Variants in HERC2 observed in about 807,000 individuals in gnomAD.
The protein encoded by HERC2 is HECT and RLD domain containing E3 ubiquitin protein ligase 2.
HERC2 carries 102 observed loss-of-function variants against 537.7 expected under a neutral mutation model. The ratio of observed to expected loss-of-function variants is 0.19; its 90% CI spans 0.16 to 0.22. The LOEUF is 0.22. Ranked by LOEUF, HERC2 falls within the 10% of genes least tolerant of loss-of-function variation. The pLI is 1.00. For synonymous variants in HERC2, 2,224 were observed against 2,466.2 expected (o/e 0.90, Z 2.91); for missense variants, 4,236 against 6,198.2 (o/e 0.68, Z 10.63).
intron 9 of HERC2, among the ~76,000 whole-genome samples, chr15:28,271,642 C>G (rs1419524512): frequency 6.6e-6 from 1 of 152,040 alleles, no homozygotes; most frequent in Non-Finnish European, 1.5e-5. Context: ...GCACTCCAGC[C>G]TGGGCGACAG....
chr15:28,117,338 C>G (rs74007959), intron 86 of HERC2, 184 bp from the exon 87 acceptor site: 3 of 715,922 alleles, frequency 4.2e-6, no homozygotes, highest in Non-Finnish European at 7.5e-6. Context: ...CTGTGGACAC[C>G]CGAGACCGCT....
chr15:28,117,626 C>A (rs1888421104), intron 86 of HERC2: 1 of 442,926 alleles, frequency 2.3e-6, no homozygotes, highest in East Asian at 6.9e-5. Context: ...CAACCCAATG[C>A]CCCTGAGACT....
At chr15:28,139,123 C>G (rs1266753521) in intron 78 of HERC2, among the ~76,000 whole-genome samples, 1 of 152,240 alleles carries the variant, frequency 6.6e-6, no homozygotes, top group African/African-American at 2.4e-5. Context: ...TGCGAAGACA[C>G]TTGCTTTATT....
intron 66 of HERC2, 68 bp from the exon 67 acceptor site, chr15:28,168,658 G>C: frequency 6.8e-7 from 1 of 1,461,734 alleles, no homozygotes. Context: ...GAAGTGGAGA[G>C]GCAGGGCTAG....
In HERC2 at chr15:28,224,162, C is replaced by G. The variant is rs1447645461; in HGVS notation, c.5465-1947G>C. Among the ~76,000 whole-genome samples, 610 of 148,530 alleles carry G rather than the reference C, an allele frequency of 4.1e-3. 3 individuals are homozygous for G. Among genetic ancestry groups the G allele is most frequent in the African/African-American group, 0.015 (580 of 38,820 alleles). On this transcript the variant is annotated intron_variant, in intron 35 of 92. Coordinates refer to ENST00000261609, the MANE Select transcript of HERC2 (RefSeq NM_004667.6). ...ACACACACACACCCACACACACACA[C>G]ACACAGAGAGAGAGAGAAACAGACA...
At chr15:28,150,084 A>G (rs1241061345) in intron 70 of HERC2, among the ~76,000 whole-genome samples, 1 of 152,010 alleles carries the variant, frequency 6.6e-6, no homozygotes, top group Non-Finnish European at 1.5e-5. Context: ...ACAAACGCAC[A>G]TTCTAGTAAA....
In HERC2 at chr15:28,168,398, C is replaced by G; in HGVS notation, c.10413+9G>C. The G allele has an allele frequency of 6.2e-7, 1 of 1,611,662 alleles. No homozygotes were observed. The highest frequency in any genetic ancestry group is 1.1e-5 in the South Asian group (1 of 90,734). On this transcript the variant is annotated intron_variant, in intron 67 of 92. Transcript: ENST00000261609. Reference sequence around the variant, plus strand: ...TTCTGATCTAACATTGCTTTAGATTCGCTTTTACCTCTCTCTTTTCTTGCC... The same window carrying G: ...TTCTGATCTAACATTGCTTTAGATTGGCTTTTACCTCTCTCTTTTCTTGCC...
intron 68 of HERC2, among the ~76,000 whole-genome samples, chr15:28,166,787 G>A (rs769029485): frequency 8.5e-5 from 13 of 152,122 alleles, no homozygotes; most frequent in African/African-American, 1.9e-4. Context: ...ACCAGTCCAC[G>A]GGAGTCCCAG....
intron 2 of HERC2, among the ~76,000 whole-genome samples, chr15:28,313,210 T>TC (rs1258837239): frequency 3.8e-5 from 5 of 132,534 alleles, no homozygotes; most frequent in African/African-American, 1.9e-4. Context: ...TTTTTTTTTT[T>TC]TGAGACAGAG....
At chr15:28,200,551 T>C (rs554662329) in intron 48 of HERC2, among the ~76,000 whole-genome samples, 10 of 152,274 alleles carry the variant, frequency 6.6e-5, no homozygotes, top group Admixed American at 2.0e-4. Context: ...TGGTACTGTG[T>C]TATAGCCAAC....
At chr15:28,313,337 C>T (rs1262937232) in intron 2 of HERC2, among the ~76,000 whole-genome samples, 1 of 152,196 alleles carries the variant, frequency 6.6e-6, no homozygotes, top group African/African-American at 2.4e-5. Context: ...GCCACCACGC[C>T]CGGCTAATTT....
chr15:28,217,784 G>C (rs1253534756), intron 38 of HERC2, among the ~76,000 whole-genome samples: 1 of 152,060 alleles, frequency 6.6e-6, no homozygotes, highest in South Asian at 2.1e-4. Context: ...AGAACACAGG[G>C]GCAGGGGCCA....
chr15:28,132,714 C>A lies in HERC2; in HGVS notation c.12347G>T (p.Gly4116Val). ...VTAAGDLYTW[G>V]KGRYGRLGHS... Reference sequence around the variant, plus strand: ...CCCCAGCCGGCCGTAGCGGCCTTTGCCCCATGTGTAGAGGTCCCCGGCTGC... The same window carrying A: ...CCCCAGCCGGCCGTAGCGGCCTTTGACCCATGTGTAGAGGTCCCCGGCTGC... The change falls in exon 80 of 93, where the codon GGC (glycine) becomes GTC (valine). Residue 4116 changes from glycine to valine, a missense_variant. Around this residue, in one of 27 missense-constraint regions of HERC2, gnomAD observed 94 missense variants for 137.4 expected, o/e 0.68. Transcript: ENST00000261609. The A allele has an allele frequency of 6.2e-7, 1 of 1,604,054 alleles. No individual in the cohort carries two copies. The highest frequency in any genetic ancestry group is 1.3e-5 in the African/African-American group (1 of 74,250).
At position 28,274,452 on chromosome 15, in the gene HERC2, G is replaced by C; in HGVS notation, c.644-5C>G. 6.2e-7 allele frequency: 1 copy of C among 1,603,770 alleles called. No individual in the cohort carries two copies. The highest frequency in any genetic ancestry group is 8.5e-7 in the Non-Finnish European group (1 of 1,175,564). On this transcript the variant is annotated splice_polypyrimidine_tract_variant and splice_region_variant and intron_variant, in intron 6 of 92. Transcript: ENST00000261609. ...TGCAGAGGTCCGCATCCTCGCCTGG[G>C]CGCACACACGCGTCAGAGGAGCCCC... is the stretch of plus-strand genomic sequence containing the variant.
At chr15:28,242,262 T>C (rs535234383) in intron 23 of HERC2, among the ~76,000 whole-genome samples, 10 of 152,336 alleles carry the variant, frequency 6.6e-5, no homozygotes, top group African/African-American at 2.4e-4. Flanking sequence ...AATGTATTAA[T>C]GCCACTAAAT....
intron 38 of HERC2, among the ~76,000 whole-genome samples, chr15:28,216,909 C>T (rs560298080): frequency 8.5e-5 from 13 of 152,106 alleles, no homozygotes; most frequent in African/African-American, 3.1e-4. Context: ...CGACCGATTA[C>T]TCACCCACTC....
intron 20 of HERC2, among the ~76,000 whole-genome samples, chr15:28,250,609 A>T (rs1362644910): frequency 2.0e-5 from 3 of 152,222 alleles, no homozygotes; most frequent in Non-Finnish European, 2.9e-5. Context: ...CTACTCTGAA[A>T]TACGTTTCAC....
At chr15:28,240,465 A>G (rs917438687) in intron 23 of HERC2, among the ~76,000 whole-genome samples, 5 of 152,126 alleles carry the variant, frequency 3.3e-5, no homozygotes, top group African/African-American at 9.7e-5. Flanking sequence ...AAATAATCCA[A>G]TCAATCAAAA....
intron 4 of HERC2, 71 bp from the exon 5 acceptor site, chr15:28,280,358 A>G (rs1408231381): frequency 7.9e-7 from 1 of 1,267,450 alleles, no homozygotes; most frequent in East Asian, 2.3e-5. Flanking sequence ...TGTTGAGAAA[A>G]TGGATGATGA....
Sources: allele counts gnomAD v4.1 joint callset (sites outside exome capture counted in the v4.1 genomes callset), GRCh38; gene constraint gnomAD v4.1.1; regional missense constraint gnomAD v4.1.1; transcripts MANE v1.5; gene names NCBI Gene and HGNC (gene_info 2026-07-23, HGNC 2026-07-21).